The following TFDP1 variants were observed in gnomAD, a reference collection of about 807,000 sequenced individuals.
The protein encoded by TFDP1 is DRTF1-polypeptide 1.
A neutral mutation model predicts 48.0 loss-of-function variants in TFDP1; 6 were observed. The ratio of observed to expected loss-of-function variants is 0.13; its 90% CI spans 0.07 to 0.25. The LOEUF (loss-of-function observed/expected upper bound fraction) is 0.25. Among genes scored for constraint, TFDP1 ranks in the 10% least tolerant of loss-of-function variants. TFDP1 has a pLI of 1.00. For missense variants in TFDP1, 335 were observed against 543.0 expected (o/e 0.62, Z 3.81); for synonymous variants, 201 against 211.6 (o/e 0.95, Z 0.44).
intron 3 of TFDP1, among the ~76,000 whole-genome samples, chr13:113,613,716 TGAG>T (rs1404761452): frequency 4.4e-5 from 6 of 136,144 alleles, no homozygotes; most frequent in African/African-American, 6.3e-5. Flanking sequence ...CGTGGGTATG[TGAG>T]GAGTGTGTGC....
chr13:113,613,582 GCA>G (rs2048763764), intron 3 of TFDP1, among the ~76,000 whole-genome samples: 1 of 88,004 alleles, frequency 1.1e-5, no homozygotes, highest in Non-Finnish European at 2.1e-5. Flanking sequence ...GTGTGTGTGT[GCA>G]TGAGTGTGTG....
At chr13:113,637,949 C>T (rs2049537850) in intron 11 of TFDP1, 53 bp downstream of exon 11, 4 of 1,594,014 alleles carry the variant, frequency 2.5e-6, no homozygotes, top group Non-Finnish European at 2.6e-6. Flanking sequence ...CCCCCGGGGT[C>T]CAGGGGCCAA....
In TFDP1 at chr13:113,622,422, C is replaced by T. The variant is rs1036472912; in HGVS notation, c.80-758C>T. On this transcript the variant is annotated intron_variant, in intron 3 of 11. Transcript: ENST00000375370. ...TCCAGTGTTGCCCTGACGCCCCTCCCGGGCTGTGCTGACCACCCAGGCCTC... is the reference window on the plus strand; with the variant it reads ...TCCAGTGTTGCCCTGACGCCCCTCCTGGGCTGTGCTGACCACCCAGGCCTC... Among the ~76,000 whole-genome samples the T allele has an allele frequency of 1.8e-4, 27 of 152,224 alleles. 1 individual carries two copies. Among genetic ancestry groups the T allele is most frequent in the Admixed American group, 1.1e-3 (17 of 15,280 alleles).
At chr13:113,602,680 A>G (rs987154782) in intron 2 of TFDP1, among the ~76,000 whole-genome samples, 1 of 152,164 alleles carries the variant, frequency 6.6e-6, no homozygotes, top group Non-Finnish European at 1.5e-5. Flanking sequence ...GGCAGAGTTG[A>G]GTGGCTGTGA....
In TFDP1 at chr13:113,623,050, T is replaced by G; in HGVS notation, c.80-130T>G. 2.6e-6 allele frequency: 2 copies of G among 772,740 alleles called. No individual in the cohort carries two copies. Among genetic ancestry groups the G allele is most frequent in the Non-Finnish European group, 4.2e-6 (2 of 474,728 alleles). 47.9% of individuals were successfully genotyped at this position (772,740 alleles called of 1,614,324 possible). ...GGAGGTGTTGCTCTTGAGCCCTGGATTTGAGACAGTACACGTGGGGAAAGC... is the reference window on the plus strand; with the variant it reads ...GGAGGTGTTGCTCTTGAGCCCTGGAGTTGAGACAGTACACGTGGGGAAAGC... On this transcript the variant is annotated intron_variant, in intron 3 of 11. Transcript: ENST00000375370. The surrounding 1 kb of genome is among the most constrained non-coding windows in gnomAD (Gnocchi z 5.2).
intron 4 of TFDP1, among the ~76,000 whole-genome samples, chr13:113,629,769 T>C (rs111282100): frequency 0.011 from 1,615 of 151,460 alleles, 42 homozygotes; most frequent in East Asian, 0.11. Context: ...GTAAGTCAGT[T>C]CCTCGTTGTA....
Position 113,634,620 on chromosome 13 carries a change from TG to T in TFDP1, c.687+19del. On this transcript the variant is annotated intron_variant, in intron 8 of 11. Coordinates refer to ENST00000375370, the MANE Select transcript of TFDP1 (RefSeq NM_007111.5). ...TTCTACAGGTAAGAGAATACGTATC[TG>T]TGGAGGCAGGGTAATTTTTATTTTA... is the stretch of plus-strand genomic sequence containing the variant. 1 of 1,585,734 alleles carries T rather than the reference TG, an allele frequency of 6.3e-7. No individual in the cohort carries two copies. Among genetic ancestry groups the T allele is most frequent in the African/African-American group, 1.4e-5 (1 of 73,682 alleles).
At chr13:113,605,464 C>T (rs986012381) in intron 2 of TFDP1, among the ~76,000 whole-genome samples, 1 of 152,220 alleles carries the variant, frequency 6.6e-6, no homozygotes, top group East Asian at 1.9e-4. Context: ...CAACAATAAG[C>T]TGTCTTCTCC....
At chr13:113,599,713 T>C (rs1045695657) in intron 2 of TFDP1, among the ~76,000 whole-genome samples, 3 of 152,194 alleles carry the variant, frequency 2.0e-5, no homozygotes, top group Non-Finnish European at 4.4e-5. Flanking sequence ...AGGTGCAGCC[T>C]GGAAGCTGGC....
At chr13:113,593,337 C>G (rs1291182482) in intron 2 of TFDP1, among the ~76,000 whole-genome samples, 1 of 134,172 alleles carries the variant, frequency 7.5e-6, no homozygotes, top group Non-Finnish European at 1.5e-5. Flanking sequence ...CAGCCCTGCC[C>G]AGGTGACAGG....
At chr13:113,605,904 C>T (rs1351289940) in intron 2 of TFDP1, among the ~76,000 whole-genome samples, 9 of 114,450 alleles carry the variant, frequency 7.9e-5, no homozygotes, top group African/African-American at 3.2e-4. Flanking sequence ...TCCAAGGCGG[C>T]GCGGTGATGA....
intron 2 of TFDP1, among the ~76,000 whole-genome samples, chr13:113,603,629 T>C (rs1246232044): frequency 2.0e-5 from 3 of 152,252 alleles, no homozygotes; most frequent in Non-Finnish European, 2.9e-5. Context: ...CTGCTACTCA[T>C]AGTATGGTTT....
At chr13:113,614,191 G>T (rs370945467) in intron 3 of TFDP1, among the ~76,000 whole-genome samples, 9 of 151,890 alleles carry the variant, frequency 5.9e-5, no homozygotes, top group Non-Finnish European at 1.3e-4. Flanking sequence ...TGAGTTGTAT[G>T]TGTGTGTTGT....
chr13:113,640,560 A>G lies in TFDP1; in HGVS notation c.*293A>G, dbSNP rs2049617799. 1 of 311,964 alleles carries G rather than the reference A, an allele frequency of 3.2e-6. No homozygotes were observed. The highest frequency in any genetic ancestry group is 2.3e-5 in the African/African-American group (1 of 43,506). 19.3% of individuals were successfully genotyped at this position (311,964 alleles called of 1,614,324 possible). Reference sequence around the variant, plus strand: ...TGCAGAGTTCATTTTTGCCCCTGAAAAGTTTTTGCTGAGTTTGCTGAAGAA... The same window carrying G: ...TGCAGAGTTCATTTTTGCCCCTGAAGAGTTTTTGCTGAGTTTGCTGAAGAA... On this transcript the variant is annotated 3_prime_UTR_variant, in exon 12 of 12. Coordinates refer to ENST00000375370, the MANE Select transcript of TFDP1 (RefSeq NM_007111.5).
At chr13:113,599,341 CAT>C (rs1031110676) in intron 2 of TFDP1, among the ~76,000 whole-genome samples, 5 of 152,226 alleles carry the variant, frequency 3.3e-5, no homozygotes, top group East Asian at 1.9e-4. Context: ...AATATTCTGA[CAT>C]GTGTCTCTCA....
intron 4 of TFDP1, among the ~76,000 whole-genome samples, chr13:113,624,609 T>TATC (rs1337651056): frequency 7.0e-6 from 1 of 142,572 alleles, no homozygotes; most frequent in Non-Finnish European, 1.5e-5. Flanking sequence ...TGTCTCAGGG[T>TATC]ATCTCTCACA....
intron 4 of TFDP1, among the ~76,000 whole-genome samples, chr13:113,629,032 C>T (rs369166619): frequency 1.6e-3 from 239 of 152,346 alleles, no homozygotes; most frequent in African/African-American, 5.4e-3. Flanking sequence ...GCCTCTGTCT[C>T]GTTCCTGGGA....
intron 4 of TFDP1, among the ~76,000 whole-genome samples, chr13:113,626,390 T>A (rs574919363): frequency 6.6e-6 from 1 of 152,350 alleles, no homozygotes; most frequent in South Asian, 2.1e-4. Flanking sequence ...TGAAATTCTC[T>A]GGATTCTTTA....
At position 113,633,816 on chromosome 13, in the gene TFDP1, G is replaced by A; in HGVS notation, c.475-74G>A. 1 of 1,533,254 alleles carries A rather than the reference G, an allele frequency of 6.5e-7. No individual in the cohort carries two copies. The highest frequency in any genetic ancestry group is 1.4e-5 in the African/African-American group (1 of 72,616). The allele number at this position is 1,533,254 out of a possible 1,614,324, so 95.0% of individuals were successfully genotyped here. On this transcript the variant is annotated intron_variant, in intron 6 of 11. Coordinates refer to ENST00000375370, the MANE Select transcript of TFDP1 (RefSeq NM_007111.5). This position sits in a 1 kb window ranked among gnomAD's most constrained non-coding sequence, Gnocchi z 4.5. ...GAGCGGGGTGCCCCTTTGAGCCAGTGCCCATGGTCTACAGTTTAAGGATCC... is the reference window on the plus strand; with the variant it reads ...GAGCGGGGTGCCCCTTTGAGCCAGTACCCATGGTCTACAGTTTAAGGATCC...
Sources: gnomAD v4.1 joint callset for allele counts (sites outside exome capture counted in the v4.1 genomes callset) on GRCh38, gnomAD v4.1.1 for gene constraint, Gnocchi (gnomAD v3.1) non-coding constraint, MANE v1.5 for transcripts, NCBI Gene and HGNC (gene_info 2026-07-23, HGNC 2026-07-21) for gene names.